KIAA1958: variants seen among roughly 807,000 people sequenced by gnomAD.
KIAA1958 encodes the protein KIAA1958.
Under a neutral mutation model 47.2 loss-of-function variants are expected in KIAA1958, and 14 were observed. The ratio of observed to expected loss-of-function variants is 0.30; its 90% CI spans 0.20 to 0.46. The LOEUF (loss-of-function observed/expected upper bound fraction) is 0.46. Among genes scored for constraint, KIAA1958 ranks in the 20% least tolerant of loss-of-function variants. The probability of loss-of-function intolerance (pLI) is 1.00; values close to 1 mark genes in which losing one functional copy is unlikely to be tolerated. For missense variants in KIAA1958, 803 were observed against 909.2 expected (o/e 0.88, Z 1.50); for synonymous variants, 354 against 353.3 (o/e 1.00, Z -0.02).
chr9:112,503,563 G>A (rs1181394131), intron 1 of KIAA1958, among the ~76,000 whole-genome samples: 3 of 145,336 alleles, frequency 2.1e-5, no homozygotes, highest in Admixed American at 7.2e-5. Context: ...GCTGCAATGA[G>A]CTGTGTTCAT....
chr9:112,581,464 G>A (rs950986516), intron 2 of KIAA1958, among the ~76,000 whole-genome samples: 2 of 152,076 alleles, frequency 1.3e-5, no homozygotes, highest in African/African-American at 4.8e-5. Flanking sequence ...GCATTACCTG[G>A]GAGCACATTA....
chr9:112,515,695 TTAA>T (rs1834417721), intron 1 of KIAA1958, among the ~76,000 whole-genome samples: 1 of 74,352 alleles, frequency 1.3e-5, no homozygotes, highest in Non-Finnish European at 2.6e-5. Context: ...AGCATGCTCG[TTAA>T]GAGTCATCAC....
chr9:112,563,735 T>C (rs1212692586), intron 1 of KIAA1958, among the ~76,000 whole-genome samples: 2 of 152,112 alleles, frequency 1.3e-5, no homozygotes, highest in Admixed American at 6.6e-5. Flanking sequence ...CCCCCGACTA[T>C]ATTATTTCAG....
intron 1 of KIAA1958, among the ~76,000 whole-genome samples, chr9:112,499,089 A>T (rs941326385): frequency 1.3e-5 from 2 of 152,152 alleles, no homozygotes; most frequent in African/African-American, 4.8e-5. Context: ...CTTTTTATGG[A>T]TAAATAGTAT....
intron 3 of KIAA1958, among the ~76,000 whole-genome samples, chr9:112,659,062 A>G (rs965122966): frequency 6.6e-6 from 1 of 151,670 alleles, no homozygotes; most frequent in Non-Finnish European, 1.5e-5. Context: ...AAGAAAAAAG[A>G]AATACTGAGG....
At chr9:112,585,288 T>A (rs1373205937) in intron 2 of KIAA1958, among the ~76,000 whole-genome samples, 2 of 152,166 alleles carry the variant, frequency 1.3e-5, no homozygotes, top group Non-Finnish European at 2.9e-5. Flanking sequence ...TTCAAGTGTA[T>A]AAGGAGGTGT....
At chr9:112,641,806 T>C (rs1026154621) in intron 2 of KIAA1958, among the ~76,000 whole-genome samples, 3 of 152,238 alleles carry the variant, frequency 2.0e-5, no homozygotes, top group Non-Finnish European at 4.4e-5. Context: ...TTTTAAAATA[T>C]ATTTTTTCAA....
At chr9:112,617,949 A>G (rs995451738) in intron 2 of KIAA1958, 4 of 1,550,486 alleles carry the variant, frequency 2.6e-6, no homozygotes, top group Non-Finnish European at 3.5e-6. Flanking sequence ...GCGCTCCGCA[A>G]TTTCCGTGAG....
chr9:112,614,790 G>C (rs989609154), intron 2 of KIAA1958, among the ~76,000 whole-genome samples: 8 of 152,206 alleles, frequency 5.3e-5, no homozygotes, highest in African/African-American at 1.9e-4. Context: ...AGTTGAAAAG[G>C]TGTGAATGTG....
intron 2 of KIAA1958, among the ~76,000 whole-genome samples, chr9:112,642,726 T>G (rs925547684): frequency 6.6e-6 from 1 of 152,228 alleles, no homozygotes; most frequent in African/African-American, 2.4e-5. Flanking sequence ...CTACCTTTGT[T>G]TGTTTCTTCA....
At chr9:112,584,377 T>C (rs897367562) in intron 2 of KIAA1958, among the ~76,000 whole-genome samples, 1 of 152,238 alleles carries the variant, frequency 6.6e-6, no homozygotes, top group Non-Finnish European at 1.5e-5. Flanking sequence ...TTTGGATGTT[T>C]AAAAATGTGA....
intron 1 of KIAA1958, among the ~76,000 whole-genome samples, chr9:112,543,248 T>TGTTC (rs1316265019): frequency 6.6e-6 from 1 of 152,108 alleles, no homozygotes; most frequent in African/African-American, 2.4e-5. Context: ...TTTGTTTGTT[T>TGTTC]GTTTTAAAGC....
intron 1 of KIAA1958, among the ~76,000 whole-genome samples, chr9:112,534,770 C>T: frequency 6.6e-6 from 1 of 152,096 alleles, no homozygotes; most frequent in East Asian, 1.9e-4. Context: ...TCTCAAACTC[C>T]TGACCTCAGG....
rs1564208444 is a variant in KIAA1958, at chr9:112,666,898, T to G, written c.*6829T>G. On this transcript the variant is annotated 3_prime_UTR_variant, in exon 4 of 4. Transcript: ENST00000337530. ...TCTCCCCAACCCACTTCCTCTTCAT[T>G]CAATCCCACATAAATCTTAGAGCTA... 1 of 152,192 alleles carries G rather than the reference T, an allele frequency of 6.6e-6. No individual in the cohort carries two copies. The highest frequency in any genetic ancestry group is 1.5e-5 in the Non-Finnish European group (1 of 68,048). 9.4% of individuals were successfully genotyped at this position (152,192 alleles called of 1,614,324 possible). A position where few individuals can be genotyped will look rare whatever the true frequency, so the allele number is the denominator to read the frequency against.
At chr9:112,527,491 G>T (rs1356323739) in intron 1 of KIAA1958, among the ~76,000 whole-genome samples, 1 of 152,216 alleles carries the variant, frequency 6.6e-6, no homozygotes, top group Admixed American at 6.5e-5. Flanking sequence ...TTGTCTTTTG[G>T]AGACCACACT....
At chr9:112,647,506 C>G (rs1376694744) in intron 3 of KIAA1958, among the ~76,000 whole-genome samples, 2 of 151,672 alleles carry the variant, frequency 1.3e-5, no homozygotes, top group African/African-American at 2.4e-5. Context: ...AAATAAACCA[C>G]AATGCATGAG....
chr9:112,634,785 A>G (rs1274050599), intron 2 of KIAA1958, among the ~76,000 whole-genome samples: 2 of 152,072 alleles, frequency 1.3e-5, no homozygotes, highest in African/African-American at 4.8e-5. Flanking sequence ...CTGTTTATCC[A>G]CTTTTTACTT....
chr9:112,586,419 T>C (rs1171594373), intron 2 of KIAA1958, among the ~76,000 whole-genome samples: 1 of 152,238 alleles, frequency 6.6e-6, no homozygotes, highest in Non-Finnish European at 1.5e-5. Context: ...TTTACTAGTA[T>C]CTGAAAGGCA....
intron 1 of KIAA1958, among the ~76,000 whole-genome samples, chr9:112,507,609 A>G (rs775168531): frequency 1.3e-5 from 2 of 152,158 alleles, no homozygotes; most frequent in African/African-American, 2.4e-5. Flanking sequence ...TTGGACTCCC[A>G]AAGTGCTGGG....
Sources: allele counts gnomAD v4.1 joint callset (sites outside exome capture counted in the v4.1 genomes callset), GRCh38; gene constraint gnomAD v4.1.1; transcripts MANE v1.5; gene names NCBI Gene and HGNC (gene_info 2026-07-23, HGNC 2026-07-21).